FAT1: variants seen among roughly 807,000 people sequenced by gnomAD.
The protein encoded by FAT1 is FAT atypical cadherin 1.
Under a neutral mutation model 329.8 loss-of-function variants are expected in FAT1, and 171 were observed. The observed-to-expected ratio is 0.52, with a 90% CI of 0.46 to 0.59. The LOEUF is 0.59. Ranked by LOEUF, FAT1 falls within the 20% of genes least tolerant of loss-of-function variation. FAT1 has a pLI of 0.00. For missense variants in FAT1, 5,672 were observed against 5,774.4 expected (o/e 0.98, Z 0.57); for synonymous variants, 2,233 against 2,228.6 (o/e 1.00, Z -0.06).
rs563026216 is a variant in FAT1, at chr4:186,621,240, G to A, written c.5346C>T (p.Ser1782=). 61 of 1,614,000 alleles carry A rather than the reference G, an allele frequency of 3.8e-5. No homozygotes were observed. In the South Asian group the frequency reaches 5.7e-4, roughly 15 times the overall value. The change falls in exon 10 of 27, where the codon AGC becomes AGT. Residue 1782 remains serine, a synonymous_variant. Coordinates refer to ENST00000441802, the MANE Select transcript of FAT1 (RefSeq NM_005245.4). The stretch of plus-strand genomic sequence containing the variant: ...GGACATTCCTGTCTGTTAGGACCAC[G>A]CTGTTAATTGAGGCTGATTCACTAA... ...GLISESASIN[S]VVLTDRNVPL... is the part of the protein sequence containing the mutation.
chr4:186,694,549 T>C (rs1168227930), intron 2 of FAT1, among the ~76,000 whole-genome samples: 1 of 152,254 alleles, frequency 6.6e-6, no homozygotes. Flanking sequence ...ATACATATTA[T>C]TTTTCTTAAA....
At chr4:186,625,713 T>C (rs868381508) in intron 9 of FAT1, among the ~76,000 whole-genome samples, 7 of 152,282 alleles carry the variant, frequency 4.6e-5, no homozygotes, top group Admixed American at 1.3e-4. Flanking sequence ...AACTGTAAAC[T>C]GTCTTCCCAA....
Position 186,620,450 on chromosome 4 carries a change from C to T in FAT1, c.6136G>A (p.Ala2046Thr), listed in dbSNP as rs770056983. ...GTPFDREQQEAFDVVVEVTEE... is the reference protein window; with the variant it reads ...GTPFDREQQETFDVVVEVTEE... ...GTCACTTCTACAACCACATCAAACG[C>T]CTCCTGCTGCTCACGATCGAAGGGC... Residue 2046 changes from alanine to threonine, a missense_variant, in exon 10 of 27, where the codon GCG (alanine) becomes ACG (threonine). Ala to Thr is a moderately conservative substitution (Grantham distance 58). Transcript: ENST00000441802. The T allele has an allele frequency of 2.5e-5, 40 of 1,613,912 alleles. No homozygotes were observed. The highest frequency in any genetic ancestry group is 1.6e-4 in the Middle Eastern group (1 of 6,084).
rs142956459 is a variant in FAT1, at chr4:186,640,003, G to A, written c.3581-220C>T. Among the ~76,000 whole-genome samples, 712 of 152,168 alleles carry A rather than the reference G, an allele frequency of 4.7e-3. 8 individuals are homozygous for A. Among genetic ancestry groups the A allele is most frequent in the African/African-American group, 0.016 (666 of 41,514 alleles). ...CAAAAAGTTAGCCAGGCATGGTGGC[G>A]CGTGACTGTAATCCCAGCTAATTGG... On this transcript the variant is annotated intron_variant, in intron 3 of 26. Transcript: ENST00000441802.
At chr4:186,639,427 C>T (rs145788462) in intron 4 of FAT1, among the ~76,000 whole-genome samples, 57 of 152,230 alleles carry the variant, frequency 3.7e-4, no homozygotes, top group African/African-American at 1.3e-3. Flanking sequence ...TTCCACATGA[C>T]ACTGTTTATA....
intron 21 of FAT1, 21 bp from the exon 22 acceptor site, chr4:186,600,381 G>A (rs1191226179): frequency 2.5e-6 from 4 of 1,579,942 alleles, no homozygotes; most frequent in African/African-American, 2.7e-5. Flanking sequence ...AGCAATGACT[G>A]TTCACATTAC....
intron 2 of FAT1, among the ~76,000 whole-genome samples, chr4:186,665,349 A>G (rs1257052286): frequency 6.6e-6 from 1 of 152,160 alleles, no homozygotes; most frequent in African/African-American, 2.4e-5. Context: ...CATCCTCTCC[A>G]GCACCTGTTG....
rs2126428727 is a variant in FAT1 at position 186,603,472 on chromosome 4, G to A, written c.11054C>T (p.Ser3685Phe). ...GTCCAGATGTGGGTGAGGTTCAGAG[G>A]ACTGCAAACTAACAATCTGTATGTC... ...RNDIQIVSLQ[S>F]SEPHPHLDVL... is the part of the protein sequence containing the mutation. Residue 3685 changes from serine to phenylalanine, a missense_variant, in exon 19 of 27, where the codon TCC becomes TTC. Transcript: ENST00000441802. 1 of 1,613,946 alleles carries A rather than the reference G, an allele frequency of 6.2e-7. No homozygotes were observed. Among genetic ancestry groups the A allele is most frequent in the Non-Finnish European group, 8.5e-7 (1 of 1,179,890 alleles).
intron 7 of FAT1, among the ~76,000 whole-genome samples, chr4:186,632,996 G>C (rs1740662127): frequency 6.6e-6 from 1 of 152,148 alleles, no homozygotes; most frequent in African/African-American, 2.4e-5. Flanking sequence ...CATGTAACAA[G>C]TGTTCAACAA....
intron 16 of FAT1, among the ~76,000 whole-genome samples, chr4:186,608,545 AT>A (rs886670747): frequency 1.3e-5 from 2 of 151,862 alleles, no homozygotes; most frequent in African/African-American, 2.4e-5. Flanking sequence ...CACACCCGAC[AT>A]TTTTTCTTTT....
intron 1 of FAT1, among the ~76,000 whole-genome samples, chr4:186,719,610 G>A (rs188881556): frequency 1.3e-5 from 2 of 152,308 alleles, no homozygotes; most frequent in Admixed American, 1.3e-4. Flanking sequence ...AACATCAAAT[G>A]TGGAACCTAG....
intron 3 of FAT1, among the ~76,000 whole-genome samples, chr4:186,657,242 C>T (rs1334477077): frequency 1.3e-5 from 2 of 152,158 alleles, no homozygotes; most frequent in Admixed American, 1.3e-4. Context: ...ATGCCTATTA[C>T]TAGGTGAGTG....
chr4:186,718,849 A>G (rs1048533613), intron 1 of FAT1, among the ~76,000 whole-genome samples: 2 of 152,048 alleles, frequency 1.3e-5, no homozygotes, highest in Non-Finnish European at 2.9e-5. Context: ...GAGATCCTGC[A>G]GGTCCACCCT....
intron 3 of FAT1, among the ~76,000 whole-genome samples, chr4:186,655,138 GC>G (rs1741845158): frequency 6.6e-6 from 1 of 152,216 alleles, no homozygotes; most frequent in South Asian, 2.1e-4. Context: ...CTGTCAAAGA[GC>G]CTAAAACCTT....
In FAT1 at chr4:186,601,322, A is replaced by C; in HGVS notation, c.11587T>G (p.Ser3863Ala). The stretch of plus-strand genomic sequence containing the variant: ...GCATACATGACAACCGCATGCGTGG[A>C]ATATGTTCTGAGCCTCATGGTCAGT... The part of the protein sequence containing the change: ...MKLTMRLRTY[S>A]THAVVMYARG... The change falls in exon 21 of 27, where the codon TCC becomes GCC. Residue 3863 changes from serine (S) to alanine (A), a missense_variant. Physicochemically the swap from Ser to Ala is moderately conservative, Grantham distance 99. Coordinates refer to ENST00000441802, the MANE Select transcript of FAT1 (RefSeq NM_005245.4). 1 of 1,612,750 alleles carries C rather than the reference A, an allele frequency of 6.2e-7. No individual in the cohort carries two copies. The highest frequency in any genetic ancestry group is 1.1e-5 in the South Asian group (1 of 91,000).
chr4:186,690,983 T>TA, intron 2 of FAT1, among the ~76,000 whole-genome samples: 1 of 152,330 alleles, frequency 6.6e-6, no homozygotes, highest in East Asian at 1.9e-4. Context: ...TTATTGTGGC[T>TA]ACTAAAATAT....
intron 7 of FAT1, among the ~76,000 whole-genome samples, chr4:186,633,427 G>C (rs748151278): frequency 6.6e-6 from 1 of 152,098 alleles, no homozygotes; most frequent in Non-Finnish European, 1.5e-5. Context: ...GATTTTGATG[G>C]TATAACGTTG....
chr4:186,643,820 G>A (rs140817881), intron 3 of FAT1, among the ~76,000 whole-genome samples: 21 of 102,462 alleles, frequency 2.0e-4, no homozygotes, highest in African/African-American at 6.4e-4. Flanking sequence ...TTGAAACATC[G>A]ACTTCAAACA....
At chr4:186,633,163 C>T (rs1343666181) in intron 7 of FAT1, among the ~76,000 whole-genome samples, 4 of 152,046 alleles carry the variant, frequency 2.6e-5, no homozygotes, top group African/African-American at 9.7e-5. Context: ...ATTTCACTTA[C>T]AGGATTTTAA....
Sources: gnomAD v4.1 joint callset for allele counts (sites outside exome capture counted in the v4.1 genomes callset) on GRCh38, gnomAD v4.1.1 for gene constraint, MANE v1.5 for transcripts, NCBI Gene and HGNC (gene_info 2026-07-23, HGNC 2026-07-21) for gene names.